SLC24A4: variants seen among roughly 807,000 people sequenced by gnomAD.
SLC24A4 encodes sodium/potassium/calcium exchanger 4.
SLC24A4 carries 53 observed loss-of-function variants against 79.0 expected under a neutral mutation model. The observed-to-expected ratio is 0.67, with a 90% CI of 0.54 to 0.84. The LOEUF (loss-of-function observed/expected upper bound fraction) is 0.84. Among genes scored for constraint, SLC24A4 ranks in the 40% least tolerant of loss-of-function variants. The pLI is 0.00. For synonymous variants in SLC24A4, 323 were observed against 323.8 expected (o/e 1.00, Z 0.03); for missense variants, 731 against 822.0 (o/e 0.89, Z 1.35).
rs552020076 is a variant in SLC24A4, at chr14:92,348,626, T to C, written c.241+22648T>C. On this transcript the variant is annotated intron_variant, in intron 2 of 16. Transcript: ENST00000532405. ...GGGGACACACAGTAATTACTCTTAC[T>C]CTGTCCATTGATTCATTTTCTGGGA... Among the ~76,000 whole-genome samples the C allele has an allele frequency of 2.8e-4, 43 of 152,334 alleles. 2 individuals are homozygous for C. Among genetic ancestry groups the C allele is most frequent in the African/African-American group, 7.5e-4 (31 of 41,576 alleles).
At chr14:92,381,776 G>A (rs769698658) in intron 2 of SLC24A4, among the ~76,000 whole-genome samples, 7 of 150,768 alleles carry the variant, frequency 4.6e-5, no homozygotes, top group Admixed American at 3.3e-4. Context: ...AAAAAAATAC[G>A]GTAAAAGCTG....
chr14:92,445,509 CT>C (rs1892752642), intron 8 of SLC24A4, among the ~76,000 whole-genome samples, 167 bp downstream of exon 8: 1 of 152,108 alleles, frequency 6.6e-6, no homozygotes, highest in African/African-American at 2.4e-5. Flanking sequence ...TTTCTTTATC[CT>C]GTCAAAGTGA....
At chr14:92,361,773 C>T (rs1311395468) in intron 2 of SLC24A4, among the ~76,000 whole-genome samples, 4 of 152,006 alleles carry the variant, frequency 2.6e-5, no homozygotes, top group Admixed American at 2.6e-4. Context: ...ATGGTGGGCG[C>T]TGGTGTGGGG....
At chr14:92,448,345 TACACACACACAC>T (rs71877757) in intron 9 of SLC24A4, among the ~76,000 whole-genome samples, 15 of 131,950 alleles carry the variant, frequency 1.1e-4, no homozygotes, top group African/African-American at 4.4e-4. Context: ...TCCCACTACA[TACACACACACAC>T]ACACACACAC....
In SLC24A4 at chr14:92,493,849, G is replaced by A; in HGVS notation, c.*221G>A. 4 of 584,204 alleles carry A rather than the reference G, an allele frequency of 6.8e-6. No homozygotes were observed. The South Asian group carries it at 8.6e-5, about 13-fold the overall frequency. 36.2% of individuals were successfully genotyped at this position (584,204 alleles called of 1,614,324 possible). A position where few individuals can be genotyped will look rare whatever the true frequency, so the allele number is the denominator to read the frequency against. ...TTCCGCCCCTGCAAGGCTGGATTTG[G>A]GGGCCATTATCTGAGCAGCTTCAAA... is the stretch of plus-strand genomic sequence containing the variant. On this transcript the variant is annotated 3_prime_UTR_variant, in exon 17 of 17. Transcript: ENST00000532405.
intron 7 of SLC24A4, 73 bp from the exon 8 acceptor site, chr14:92,445,244 G>T: frequency 6.4e-7 from 1 of 1,568,872 alleles, no homozygotes; most frequent in Non-Finnish European, 8.8e-7. Flanking sequence ...TGGGTGCCTG[G>T]GTGTCCGTGC....
At chr14:92,480,772 C>T (rs1952324) in intron 12 of SLC24A4, among the ~76,000 whole-genome samples, 1 of 152,000 alleles carries the variant, frequency 6.6e-6, no homozygotes, top group Non-Finnish European at 1.5e-5. Context: ...CCCATGTATT[C>T]GTGAATTTTC....
rs1377477268 is a variant in SLC24A4 at position 92,500,905 on chromosome 14, AGGAGTTGCTAAGGAAG to A, written c.*7280_*7295del. 10 of 152,362 alleles carry A rather than the reference AGGAGTTGCTAAGGAAG, an allele frequency of 6.6e-5. No homozygotes were observed. Among genetic ancestry groups the A allele is most frequent in the Admixed American group, 6.5e-4 (10 of 15,288 alleles). The allele number at this position is 152,362 out of a possible 1,614,324, so 9.4% of individuals were successfully genotyped here. ...TGCAGCCAGGCCCAGGGGTAGATACAGGAGTTGCTAAGGAAGGGGCCGAGCCAGGAGAGGCCAGGCA... is the reference window on the plus strand; with the variant it reads ...TGCAGCCAGGCCCAGGGGTAGATACAGGGCCGAGCCAGGAGAGGCCAGGCA... On this transcript the variant is annotated 3_prime_UTR_variant, in exon 17 of 17. Transcript: ENST00000532405.
At chr14:92,440,844 G>A (rs1392627503) in intron 4 of SLC24A4, among the ~76,000 whole-genome samples, 2 of 151,368 alleles carry the variant, frequency 1.3e-5, no homozygotes, top group Non-Finnish European at 2.9e-5. Flanking sequence ...AAGGAGTTTA[G>A]CAAGCAGAGA....
chr14:92,474,711 A>ATATACGTATATATGTGTG (rs1566795101), intron 12 of SLC24A4, among the ~76,000 whole-genome samples: 2 of 4,166 alleles, frequency 4.8e-4, no homozygotes, highest in East Asian at 0.031. Flanking sequence ...ACGTGTGTGT[A>ATATACGTATATATGTGTG]TATATATATA....
chr14:92,346,486 C>T (rs1407208031), intron 2 of SLC24A4, among the ~76,000 whole-genome samples: 2 of 152,214 alleles, frequency 1.3e-5, no homozygotes, highest in African/African-American at 4.8e-5. Context: ...ATGGAAGCAT[C>T]TCTCCAATAT....
intron 4 of SLC24A4, 117 bp downstream of exon 4, chr14:92,439,526 C>A: frequency 1.1e-6 from 1 of 934,320 alleles, no homozygotes; most frequent in Non-Finnish European, 1.7e-6. Flanking sequence ...AAGACTGTCA[C>A]ACCGAGCACT....
chr14:92,354,797 G>A (rs561255581), intron 2 of SLC24A4, among the ~76,000 whole-genome samples: 205 of 152,260 alleles, frequency 1.3e-3, no homozygotes, highest in African/African-American at 4.7e-3. Flanking sequence ...ATGCTGGCTA[G>A]GCATGGTGGC....
At chr14:92,325,360 A>C (rs911095685) in intron 1 of SLC24A4, among the ~76,000 whole-genome samples, 1 of 152,214 alleles carries the variant, frequency 6.6e-6, no homozygotes, top group Non-Finnish European at 1.5e-5. Context: ...TTGTTAGTGC[A>C]GAATCCCAGG....
chr14:92,431,564 C>T (rs999248993), intron 2 of SLC24A4, among the ~76,000 whole-genome samples: 39 of 152,320 alleles, frequency 2.6e-4, no homozygotes, highest in Middle Eastern at 3.4e-3. Context: ...AGACTGATCC[C>T]GGCTATCAGC....
chr14:92,459,361 G>A (rs981777255), intron 12 of SLC24A4, among the ~76,000 whole-genome samples: 1 of 152,174 alleles, frequency 6.6e-6, no homozygotes, highest in Non-Finnish European at 1.5e-5. Flanking sequence ...GAATGCAGCT[G>A]TCTTGCAAGG....
At chr14:92,425,034 C>T (rs1018217740) in intron 2 of SLC24A4, among the ~76,000 whole-genome samples, 6 of 152,162 alleles carry the variant, frequency 3.9e-5, no homozygotes, top group African/African-American at 1.4e-4. Context: ...TTGGGGATCA[C>T]AGTCAACATG....
At chr14:92,327,871 A>G (rs1434234347) in intron 2 of SLC24A4, among the ~76,000 whole-genome samples, 2 of 152,230 alleles carry the variant, frequency 1.3e-5, no homozygotes, top group African/African-American at 2.4e-5. Flanking sequence ...ATCTTTAAAA[A>G]TAGTTAACTT....
At chr14:92,438,429 C>T (rs1383642633) in intron 3 of SLC24A4, among the ~76,000 whole-genome samples, 1 of 151,716 alleles carries the variant, frequency 6.6e-6, no homozygotes, top group Non-Finnish European at 1.5e-5. Flanking sequence ...CATAGTGAGA[C>T]TCCCCCCGCC....
Sources: allele counts gnomAD v4.1 joint callset (sites outside exome capture counted in the v4.1 genomes callset), GRCh38; gene constraint gnomAD v4.1.1; transcripts MANE v1.5; gene names NCBI Gene and HGNC (gene_info 2026-07-23, HGNC 2026-07-21).